C6orf89: variants seen among roughly 807,000 people sequenced by gnomAD.
The protein encoded by C6orf89 is bombesin receptor-activated protein C6orf89.
C6orf89 carries 29 observed loss-of-function variants against 40.7 expected under a neutral mutation model. The ratio of observed to expected loss-of-function variants is 0.71; its 90% CI spans 0.53 to 0.97. The LOEUF (loss-of-function observed/expected upper bound fraction) is 0.97, where lower values mean the gene tolerates loss of function less well. Among genes scored for constraint, C6orf89 ranks in the 50% least tolerant of loss-of-function variants. The pLI is 0.00. For missense variants in C6orf89, 392 were observed against 429.1 expected (o/e 0.91, Z 0.76); for synonymous variants, 165 against 152.2 (o/e 1.08, Z -0.62).
intron 1 of C6orf89, among the ~76,000 whole-genome samples, chr6:36,878,301 C>T (rs1774713990): frequency 1.3e-5 from 2 of 152,186 alleles, no homozygotes; most frequent in Non-Finnish European, 2.9e-5. Context: ...TGTCACACTA[C>T]CTCTGTAGCT....
intron 6 of C6orf89, among the ~76,000 whole-genome samples, chr6:36,915,812 T>C (rs529902075): frequency 6.6e-6 from 1 of 152,320 alleles, no homozygotes; most frequent in Admixed American, 6.5e-5. Context: ...AACCCCAGTT[T>C]GTCCTGCTGT....
intron 2 of C6orf89, among the ~76,000 whole-genome samples, chr6:36,880,367 A>G (rs954776731): frequency 6.6e-6 from 1 of 152,238 alleles, no homozygotes; most frequent in Non-Finnish European, 1.5e-5. Flanking sequence ...AGAAACTTAA[A>G]AACTGGCAAA....
intron 2 of C6orf89, among the ~76,000 whole-genome samples, chr6:36,898,415 G>C (rs908132073): frequency 2.6e-5 from 4 of 151,848 alleles, no homozygotes. Flanking sequence ...GAGTAGCTGG[G>C]ATTACAGGCA....
chr6:36,909,899 A>G (rs1762065119), intron 4 of C6orf89, among the ~76,000 whole-genome samples: 1 of 152,044 alleles, frequency 6.6e-6, no homozygotes, highest in South Asian at 2.1e-4. Flanking sequence ...TTTCCTTTAT[A>G]GCCTCTAGGA....
intron 1 of C6orf89, among the ~76,000 whole-genome samples, chr6:36,891,979 G>C (rs1388222573): frequency 1.3e-5 from 2 of 152,156 alleles, no homozygotes; most frequent in Non-Finnish European, 2.9e-5. Context: ...TGTTAAACAG[G>C]GCAAAAGAGA....
chr6:36,914,182 T>C, intron 4 of C6orf89, 102 bp from the exon 5 acceptor site: 1 of 1,078,490 alleles, frequency 9.3e-7, no homozygotes, highest in Non-Finnish European at 1.3e-6. Flanking sequence ...TAAATAAAAG[T>C]CATTATGATG....
intron 4 of C6orf89, among the ~76,000 whole-genome samples, chr6:36,913,305 A>G (rs1477813075): frequency 6.6e-6 from 1 of 152,144 alleles, no homozygotes; most frequent in Non-Finnish European, 1.5e-5. Context: ...GCTGGAAACT[A>G]TGGCTGGCGG....
chr6:36,899,779 C>A, intron 3 of C6orf89, 146 bp downstream of exon 3: 1 of 713,484 alleles, frequency 1.4e-6, no homozygotes, highest in Non-Finnish European at 2.3e-6. Flanking sequence ...CCATGTGTTA[C>A]TAGGAAATTT....
At chr6:36,872,733 G>A (rs1774541133) in intron 1 of C6orf89, among the ~76,000 whole-genome samples, 1 of 152,132 alleles carries the variant, frequency 6.6e-6, no homozygotes, top group Non-Finnish European at 1.5e-5. Flanking sequence ...TCAGCCTCCT[G>A]AGTAGCTGGG....
intron 1 of C6orf89, among the ~76,000 whole-genome samples, chr6:36,889,585 A>AAAAAAAAG (rs1265457961): frequency 6.6e-6 from 1 of 151,964 alleles, no homozygotes; most frequent in Non-Finnish European, 1.5e-5. Flanking sequence ...ACAAAAACAA[A>AAAAAAAAG]AAAAAAAAGA....
rs145307177 is a variant in C6orf89, at chr6:36,877,193, G to A, written c.-627-1815G>A. Among the ~76,000 whole-genome samples the A allele has an allele frequency of 6.9e-4, 105 of 152,280 alleles. 3 individuals carry two copies. The East Asian group carries it at 0.018, about 26-fold the overall frequency. On this transcript the variant is annotated intron_variant, in intron 1 of 9. Coordinates refer to the C6orf89 transcript ENST00000359359. ...ATACCACAATGTATAATGGTGCTGC[G>A]ATGGATATTTTGTGTATGTATCTTA...
chr6:36,908,923 A>G (rs1387517388), intron 4 of C6orf89, among the ~76,000 whole-genome samples: 1 of 152,090 alleles, frequency 6.6e-6, no homozygotes, highest in Non-Finnish European at 1.5e-5. Flanking sequence ...TCTGCTTTCT[A>G]TGTGTGTCTT....
chr6:36,901,757 G>A (rs4711474), intron 3 of C6orf89, among the ~76,000 whole-genome samples: 31,524 of 150,896 alleles, frequency 0.21, 3,371 homozygotes, highest in East Asian at 0.31. Flanking sequence ...TGCAAGCTCC[G>A]CCTCCCGGGT....
chr6:36,914,730 C>T, intron 6 of C6orf89, 37 bp downstream of exon 6: 2 of 1,602,420 alleles, frequency 1.2e-6, no homozygotes, highest in South Asian at 1.1e-5. Context: ...TGGCTCATGC[C>T]TGTGATCCCA....
rs151218191 is a variant in C6orf89, at chr6:36,903,490, C to T, written c.403+1056C>T. ...TCTCTTTTTTTTTGAGTTGGAGTCT[C>T]GCTCTGTCGCCCAGGCTGGAGTGCA... On this transcript the variant is annotated intron_variant, in intron 4 of 8. Transcript: ENST00000480824. Among the ~76,000 whole-genome samples the T allele has an allele frequency of 3.4e-4, 51 of 151,908 alleles. 1 individual carries two copies. In the South Asian group the frequency reaches 8.7e-3, roughly 26 times the overall value.
Position 36,886,003 on chromosome 6 carries a change from G to A in C6orf89, c.-145G>A, listed in dbSNP as rs1383417747. 24 of 1,110,892 alleles carry A rather than the reference G, an allele frequency of 2.2e-5. No homozygotes were observed. The East Asian group carries it at 9.0e-4, about 42-fold the overall frequency. 68.8% of individuals were successfully genotyped at this position (1,110,892 alleles called of 1,614,324 possible). On this transcript the variant is annotated 5_prime_UTR_variant, in exon 1 of 9. Coordinates refer to ENST00000480824, the MANE Select transcript of C6orf89 (RefSeq NM_001286635.2). ...GCGGCAGCTGTCCCCGAGGCGGGAG[G>A]AGCCCGAGGGGCGCGAGCCCCGCAT...
At chr6:36,923,119 C>T (rs1414145115) in intron 8 of C6orf89, among the ~76,000 whole-genome samples, 2 of 151,904 alleles carry the variant, frequency 1.3e-5, no homozygotes, top group African/African-American at 4.8e-5. Flanking sequence ...TCACTTGAGC[C>T]CAGGAGTTCA....
Position 36,919,582 on chromosome 6 carries a change from A to G in C6orf89, c.830A>G (p.His277Arg), listed in dbSNP as rs1197463236. ...CCTCCTCATTCTTTCCTCCAGATGCATAAGATGCCTGACCTATTTATCATT... is the reference window on the plus strand; with the variant it reads ...CCTCCTCATTCTTTCCTCCAGATGCGTAAGATGCCTGACCTATTTATCATT... ...HPEPVVGSKMHKMPDLFIIGS... is the reference protein window; with the variant it reads ...HPEPVVGSKMRKMPDLFIIGS... Residue 277 changes from histidine (H) to arginine (R), a missense_variant, in exon 8 of 9, where the codon CAT becomes CGT. Coordinates refer to ENST00000480824, the MANE Select transcript of C6orf89 (RefSeq NM_001286635.2). 2.5e-6 allele frequency: 4 copies of G among 1,613,120 alleles called. No individual in the cohort carries two copies. The highest frequency in any genetic ancestry group is 1.1e-5 in the South Asian group (1 of 91,028).
intron 8 of C6orf89, among the ~76,000 whole-genome samples, chr6:36,923,127 T>C (rs796725801): frequency 2.0e-5 from 3 of 151,770 alleles, no homozygotes; most frequent in African/African-American, 7.3e-5. Context: ...GCCCAGGAGT[T>C]CAAGACCAGC....
Sources: gnomAD v4.1 joint callset for allele counts (sites outside exome capture counted in the v4.1 genomes callset) on GRCh38, gnomAD v4.1.1 for gene constraint, MANE v1.5 for transcripts, NCBI Gene and HGNC (gene_info 2026-07-23, HGNC 2026-07-21) for gene names.